SPAG17: variants seen among roughly 807,000 people sequenced by gnomAD.
The protein encoded by SPAG17 is sperm associated antigen 17.
A neutral mutation model predicts 273.6 loss-of-function variants in SPAG17; 169 were observed. The ratio of observed to expected loss-of-function variants is 0.62; its 90% CI spans 0.55 to 0.70. The LOEUF (loss-of-function observed/expected upper bound fraction) is 0.70. Ranked by LOEUF, SPAG17 falls within the 30% of genes least tolerant of loss-of-function variation. The pLI, the probability that SPAG17 is intolerant of heterozygous loss-of-function variation, is 0.00. For synonymous variants in SPAG17, 825 were observed against 873.2 expected, an observed-to-expected ratio of 0.94 and a Z score of 0.97; for missense variants, 2,557 against 2,627.8, an observed-to-expected ratio of 0.97 and a Z score of 0.59.
chr1:117,999,598 T>C (rs185045513), intron 32 of SPAG17, among the ~76,000 whole-genome samples: 31 of 152,370 alleles, frequency 2.0e-4, no homozygotes, highest in Non-Finnish European at 4.0e-4. Flanking sequence ...CATTTTTTCA[T>C]GTGTCTGTTG....
At chr1:118,120,421 A>G (rs1026806119) in intron 3 of SPAG17, among the ~76,000 whole-genome samples, 1 of 152,218 alleles carries the variant, frequency 6.6e-6, no homozygotes, top group African/African-American at 2.4e-5. Context: ...ATAGTATTTC[A>G]TTTAAAATAA....
intron 43 of SPAG17, among the ~76,000 whole-genome samples, chr1:117,979,629 C>T (rs1475441891): frequency 2.0e-5 from 3 of 152,160 alleles, no homozygotes; most frequent in Non-Finnish European, 4.4e-5. Flanking sequence ...CAAAACCTTC[C>T]GCTGACGTTT....
At chr1:118,051,275 C>T (rs1346057796) in intron 20 of SPAG17, among the ~76,000 whole-genome samples, 1 of 151,910 alleles carries the variant, frequency 6.6e-6, no homozygotes, top group African/African-American at 2.4e-5. Context: ...AAAAGAGAAC[C>T]ATGGTACACT....
At chr1:117,976,243 GGCTGATTACCA>G (rs1655121573) in intron 43 of SPAG17, among the ~76,000 whole-genome samples, 1 of 152,072 alleles carries the variant, frequency 6.6e-6, no homozygotes, top group South Asian at 2.1e-4. Context: ...TTGGAGCAGT[GGCTGATTACCA>G]GCTGACACAG....
At chr1:118,055,322 T>C (rs982211351) in intron 19 of SPAG17, among the ~76,000 whole-genome samples, 1 of 152,268 alleles carries the variant, frequency 6.6e-6, no homozygotes, top group African/African-American at 2.4e-5. Flanking sequence ...CTAAGAAATA[T>C]CTTGTTTTAG....
At chr1:118,019,033 C>CA (rs10629525) in intron 28 of SPAG17, among the ~76,000 whole-genome samples, 11,660 of 95,812 alleles carry the variant, frequency 0.12, 1,274 homozygotes, top group African/African-American at 0.25. Context: ...GACCATGTCT[C>CA]AAAAAAAAAA....
chr1:118,063,115 C>G (rs1244268637), intron 18 of SPAG17, among the ~76,000 whole-genome samples: 1 of 152,190 alleles, frequency 6.6e-6, no homozygotes, highest in East Asian at 1.9e-4. Context: ...ACATTCCATG[C>G]TCATGGATAC....
chr1:118,102,778 G>A (rs1656148340), intron 4 of SPAG17, among the ~76,000 whole-genome samples: 1 of 152,224 alleles, frequency 6.6e-6, no homozygotes, highest in Admixed American at 6.5e-5. Context: ...TGTACTCACT[G>A]AAATGTTGTG....
At chr1:118,094,932 C>T (rs1337625865) in intron 7 of SPAG17, among the ~76,000 whole-genome samples, 1 of 152,154 alleles carries the variant, frequency 6.6e-6, no homozygotes, top group African/African-American at 2.4e-5. Context: ...GTCTGGGAAG[C>T]TGGGCAACAC....
intron 3 of SPAG17, among the ~76,000 whole-genome samples, chr1:118,146,872 C>G (rs567312112): frequency 2.9e-4 from 44 of 152,262 alleles, no homozygotes; most frequent in African/African-American, 9.9e-4. Flanking sequence ...TGTGGGCTAA[C>G]TGATGTAATA....
chr1:117,979,895 G>C (rs1445468826), intron 43 of SPAG17, among the ~76,000 whole-genome samples: 1 of 152,068 alleles, frequency 6.6e-6, no homozygotes, highest in African/African-American at 2.4e-5. Flanking sequence ...TCTCCTAATG[G>C]AATGTTGCCC....
chr1:118,016,279 G>A (rs1659970472), intron 28 of SPAG17, 97 bp from the exon 29 acceptor site: 1 of 892,994 alleles, frequency 1.1e-6, no homozygotes, highest in Non-Finnish European at 1.7e-6. Context: ...AACTACCTCA[G>A]ATACTGTGGC....
intron 3 of SPAG17, among the ~76,000 whole-genome samples, chr1:118,130,833 A>T (rs925037428): frequency 1.3e-5 from 2 of 152,238 alleles, no homozygotes; most frequent in Non-Finnish European, 2.9e-5. Flanking sequence ...TAGACACCGT[A>T]CTACAAACAT....
intron 20 of SPAG17, among the ~76,000 whole-genome samples, chr1:118,049,561 G>A (rs1264694082): frequency 1.3e-5 from 2 of 152,078 alleles, no homozygotes; most frequent in African/African-American, 4.8e-5. Context: ...TAGATAAAGA[G>A]GAAATGTATC....
chr1:118,106,838 G>T (rs1300621724), intron 4 of SPAG17, among the ~76,000 whole-genome samples: 1 of 152,142 alleles, frequency 6.6e-6, no homozygotes, highest in Non-Finnish European at 1.5e-5. Flanking sequence ...GGCCCTCCAG[G>T]TTCTCCTAGG....
chr1:118,003,002 C>G (rs981201044), intron 32 of SPAG17, among the ~76,000 whole-genome samples: 1 of 152,120 alleles, frequency 6.6e-6, no homozygotes, highest in African/African-American at 2.4e-5. Context: ...CCTTCGGGTG[C>G]TCTTGTAAGG....
intron 20 of SPAG17, among the ~76,000 whole-genome samples, chr1:118,049,910 G>A (rs1650805315): frequency 6.6e-6 from 1 of 152,180 alleles, no homozygotes; most frequent in Non-Finnish European, 1.5e-5. Context: ...CAGGGAAGGA[G>A]GCATCTCCCA....
chr1:117,966,593 G>T lies in SPAG17; in HGVS notation c.6532+16C>A. On this transcript the variant is annotated intron_variant, in intron 47 of 48. Transcript: ENST00000336338. Reference sequence around the variant, plus strand: ...TGCACTATATATGATTACTCAAGTTGAACTTTAAAGGATATTTGCTTCCAC... The same window carrying T: ...TGCACTATATATGATTACTCAAGTTTAACTTTAAAGGATATTTGCTTCCAC... The T allele has an allele frequency of 6.3e-7, 1 of 1,591,948 alleles. No individual in the cohort carries two copies. Among genetic ancestry groups the T allele is most frequent in the South Asian group, 1.2e-5 (1 of 86,330 alleles).
chr1:118,136,801 A>ATGTGTGTGTGTGTGTGTG (rs5777337), intron 3 of SPAG17, among the ~76,000 whole-genome samples: 7 of 147,256 alleles, frequency 4.8e-5, no homozygotes, highest in South Asian at 4.4e-4. Context: ...GTGTGTGTGT[A>ATGTGTGTGTGTGTGTGTG]TGTGTGTGTG....
Sources: gnomAD v4.1 joint callset for allele counts (sites outside exome capture counted in the v4.1 genomes callset) on GRCh38, gnomAD v4.1.1 for gene constraint, MANE v1.5 for transcripts, NCBI Gene and HGNC (gene_info 2026-07-23, HGNC 2026-07-21) for gene names.